SDK1: variants seen among roughly 807,000 people sequenced by gnomAD.
SDK1 encodes the protein sidekick cell adhesion molecule 1, also known as protein sidekick-1.
In SDK1, 157 loss-of-function variants were observed where a neutral mutation model predicts 245.5. The observed-to-expected ratio is 0.64, with a 90% CI of 0.56 to 0.73. The LOEUF (loss-of-function observed/expected upper bound fraction) is 0.73, where lower values mean the gene tolerates loss of function less well. Ranked by LOEUF, SDK1 falls within the 30% of genes least tolerant of loss-of-function variation. SDK1 has a pLI of 0.00. For missense variants in SDK1, 3,583 were observed against 3,002.3 expected, an observed-to-expected ratio of 1.19 and a Z score of -4.52; for synonymous variants, 1,647 against 1,278.5, an observed-to-expected ratio of 1.29 and a Z score of -6.15.
At chr7:3,713,942 C>G (rs1488298744) in intron 4 of SDK1, among the ~76,000 whole-genome samples, 1 of 152,158 alleles carries the variant, frequency 6.6e-6, no homozygotes, top group African/African-American at 2.4e-5. Flanking sequence ...TAATTCATGA[C>G]TTTATTTAAA....
intron 1 of SDK1, among the ~76,000 whole-genome samples, chr7:3,520,090 T>C (rs1035658024): frequency 6.6e-6 from 1 of 152,236 alleles, no homozygotes; most frequent in Non-Finnish European, 1.5e-5. Context: ...AATTCTGTTT[T>C]TGCCATTGTG....
chr7:3,412,931 C>G (rs773913579), intron 1 of SDK1, among the ~76,000 whole-genome samples: 4 of 152,146 alleles, frequency 2.6e-5, no homozygotes, highest in African/African-American at 9.7e-5. Context: ...CTATTTGGTT[C>G]TAGGGAATCA....
At chr7:4,130,962 C>T (rs761638441) in intron 27 of SDK1, among the ~76,000 whole-genome samples, 3 of 152,092 alleles carry the variant, frequency 2.0e-5, no homozygotes, top group African/African-American at 4.8e-5. Context: ...ACTCTCTCCA[C>T]GTTGCTGAGA....
intron 1 of SDK1, among the ~76,000 whole-genome samples, chr7:3,426,581 G>A (rs934538973): frequency 2.0e-5 from 3 of 152,214 alleles, no homozygotes; most frequent in African/African-American, 7.2e-5. Flanking sequence ...CATCCAACAA[G>A]TGTCAGCAAA....
chr7:3,420,176 G>A (rs1293869268), intron 1 of SDK1, among the ~76,000 whole-genome samples: 1 of 152,208 alleles, frequency 6.6e-6, no homozygotes, highest in African/African-American at 2.4e-5. Context: ...GAATTTAAAA[G>A]TTGTAGTGAT....
chr7:3,342,352 G>A (rs1780370493), intron 1 of SDK1, among the ~76,000 whole-genome samples: 1 of 152,188 alleles, frequency 6.6e-6, no homozygotes, highest in South Asian at 2.1e-4. Context: ...ACTTTGGGAG[G>A]CCGAAGTGGG....
chr7:3,977,498 A>T (rs1393501847), intron 13 of SDK1, among the ~76,000 whole-genome samples: 1 of 152,226 alleles, frequency 6.6e-6, no homozygotes, highest in African/African-American at 2.4e-5. Context: ...CAGGCATTGG[A>T]GCCTACGACC....
Position 3,865,282 on chromosome 7 carries a change from G to T in SDK1, c.847+43699G>T, listed in dbSNP as rs114800730. ...TGATCCTCCTGAAGAAGTGAGAATG[G>T]GTTGGCCTAAAGGGTGAGTTGGTGG... On this transcript the variant is annotated intron_variant, in intron 5 of 44. Coordinates refer to ENST00000404826, the MANE Select transcript of SDK1 (RefSeq NM_152744.4). Among the ~76,000 whole-genome samples the T allele has an allele frequency of 4.6e-3, 705 of 152,296 alleles. 7 individuals are homozygous for T. The highest frequency in any genetic ancestry group is 0.016 in the African/African-American group (663 of 41,552).
chr7:3,959,852 C>T (rs1424939133), intron 8 of SDK1, among the ~76,000 whole-genome samples: 1 of 151,922 alleles, frequency 6.6e-6, no homozygotes, highest in African/African-American at 2.4e-5. Context: ...CAGGTCATCC[C>T]AGCCCTCATC....
At chr7:4,032,236 A>G (rs1787873274) in intron 17 of SDK1, among the ~76,000 whole-genome samples, 1 of 152,216 alleles carries the variant, frequency 6.6e-6, no homozygotes, top group South Asian at 2.1e-4. Flanking sequence ...AGTAGATCAT[A>G]TTCAAGTGGG....
chr7:3,412,761 A>G (rs959095597), intron 1 of SDK1, among the ~76,000 whole-genome samples: 82 of 152,208 alleles, frequency 5.4e-4, no homozygotes, highest in African/African-American at 1.9e-3. Context: ...GCTGCCTGCT[A>G]TAACTACCAA....
chr7:4,159,907 C>T (rs1196077964), intron 31 of SDK1, among the ~76,000 whole-genome samples: 3 of 152,048 alleles, frequency 2.0e-5, no homozygotes, highest in Non-Finnish European at 4.4e-5. Context: ...CAAATTATAA[C>T]GTTGTAGGAG....
chr7:3,931,081 A>C (rs1779960414), intron 5 of SDK1, among the ~76,000 whole-genome samples: 1 of 152,224 alleles, frequency 6.6e-6, no homozygotes, highest in South Asian at 2.1e-4. Flanking sequence ...ATTGGAGAGC[A>C]CTTCTAATCC....
At position 3,941,214 on chromosome 7, in the gene SDK1, T is replaced by C. The variant is rs182424743; in HGVS notation, c.848-9709T>C. Among the ~76,000 whole-genome samples the C allele has an allele frequency of 1.8e-4, 27 of 152,268 alleles. No individual in the cohort carries two copies. In the East Asian group the frequency reaches 4.8e-3, roughly 27 times the overall value. On this transcript the variant is annotated intron_variant, in intron 5 of 44. Transcript: ENST00000404826. ...CCCTTCTGTCATACTCACCCCCGTC[T>C]TTCTTCCTCCTCTTAGCAACACCCT...
chr7:3,528,211 A>AG (rs1783214373), intron 1 of SDK1, among the ~76,000 whole-genome samples: 1 of 11,580 alleles, frequency 8.6e-5, no homozygotes, highest in African/African-American at 3.6e-4. Context: ...TCAGTTAGCT[A>AG]GGGGGTGGGT....
At chr7:3,520,633 T>A (rs1782906451) in intron 1 of SDK1, among the ~76,000 whole-genome samples, 1 of 151,788 alleles carries the variant, frequency 6.6e-6, no homozygotes. Context: ...GAATTCAGTT[T>A]GGCTATGGTA....
intron 1 of SDK1, among the ~76,000 whole-genome samples, chr7:3,580,718 C>T (rs1228961443): frequency 6.6e-6 from 1 of 152,014 alleles, no homozygotes; most frequent in Non-Finnish European, 1.5e-5. Context: ...CCTGTAATCC[C>T]AGCATTTTGG....
intron 1 of SDK1, among the ~76,000 whole-genome samples, chr7:3,499,419 G>C (rs897329670): frequency 8.5e-5 from 13 of 152,108 alleles, no homozygotes; most frequent in African/African-American, 2.9e-4. Context: ...AAAATGTGTA[G>C]TATGGTGTAA....
At chr7:3,957,355 A>G (rs1781352699) in intron 7 of SDK1, among the ~76,000 whole-genome samples, 1 of 152,222 alleles carries the variant, frequency 6.6e-6, no homozygotes, top group Non-Finnish European at 1.5e-5. Flanking sequence ...TATCCTGATC[A>G]TGATGTTATG....
Sources: allele counts gnomAD v4.1 joint callset (sites outside exome capture counted in the v4.1 genomes callset), GRCh38; gene constraint gnomAD v4.1.1; transcripts MANE v1.5; gene names NCBI Gene and HGNC (gene_info 2026-07-23, HGNC 2026-07-21).